The following CSMD1 variants were observed in gnomAD, a reference collection of about 807,000 sequenced individuals.
CSMD1 encodes the protein CUB and sushi domain-containing protein 1.
Under a neutral mutation model 417.5 loss-of-function variants are expected in CSMD1, and 213 were observed. The ratio of observed to expected loss-of-function variants is 0.51; its 90% CI spans 0.46 to 0.57. CSMD1 has a LOEUF of 0.57. CSMD1 is among the 20% of genes least tolerant of loss of function. The pLI is 0.00. For missense variants in CSMD1, 6,923 were observed against 4,529.7 expected (o/e 1.53, Z -15.17); for synonymous variants, 2,862 against 1,736.8 (o/e 1.65, Z -16.11).
At chr8:3,084,711 T>A (rs1814397850) in intron 49 of CSMD1, among the ~76,000 whole-genome samples, 1 of 151,972 alleles carries the variant, frequency 6.6e-6, no homozygotes. Context: ...GGGCATAAAT[T>A]GCCAATATAT....
At chr8:4,232,588 T>C (rs1309931468) in intron 3 of CSMD1, among the ~76,000 whole-genome samples, 1 of 152,214 alleles carries the variant, frequency 6.6e-6, no homozygotes, top group East Asian at 1.9e-4. Flanking sequence ...ATGACTCTTG[T>C]GATCCTAACC....
intron 3 of CSMD1, among the ~76,000 whole-genome samples, chr8:4,280,876 A>G (rs552360257): frequency 6.6e-5 from 10 of 152,340 alleles, no homozygotes; most frequent in African/African-American, 2.4e-4. Context: ...ACAGCATTAG[A>G]AATACTTTTT....
intron 5 of CSMD1, among the ~76,000 whole-genome samples, chr8:3,972,941 T>C (rs1213421373): frequency 6.6e-6 from 1 of 152,118 alleles, no homozygotes; most frequent in Non-Finnish European, 1.5e-5. Context: ...ATGAAGGAAA[T>C]AAAATGAAAT....
intron 26 of CSMD1, among the ~76,000 whole-genome samples, chr8:3,246,618 T>C (rs893954739): frequency 6.6e-6 from 1 of 152,100 alleles, no homozygotes; most frequent in East Asian, 1.9e-4. Context: ...ATTACAGGCA[T>C]GTGCTGCCCT....
chr8:2,954,176 C>A (rs371767498), intron 65 of CSMD1, 48 bp downstream of exon 65: 1 of 1,132,024 alleles, frequency 8.8e-7, no homozygotes, highest in Non-Finnish European at 1.3e-6. Context: ...GAGTAGAGAA[C>A]AAATCACTTT....
intron 2 of CSMD1, among the ~76,000 whole-genome samples, chr8:4,631,749 C>T (rs1251652054): frequency 6.6e-6 from 1 of 152,156 alleles, no homozygotes; most frequent in South Asian, 2.1e-4. Context: ...TTTAATGGCC[C>T]TATCACATTC....
intron 1 of CSMD1, among the ~76,000 whole-genome samples, chr8:4,855,015 T>A (rs937677040): frequency 2.0e-5 from 3 of 152,142 alleles, no homozygotes; most frequent in Non-Finnish European, 4.4e-5. Context: ...AATGTCCCTG[T>A]CTGACAGGTT....
At chr8:4,625,665 C>G (rs1802056855) in intron 2 of CSMD1, among the ~76,000 whole-genome samples, 1 of 152,052 alleles carries the variant, frequency 6.6e-6, no homozygotes, top group Non-Finnish European at 1.5e-5. Flanking sequence ...GTGAAAACCC[C>G]TAAACCTAAG....
intron 2 of CSMD1, among the ~76,000 whole-genome samples, chr8:4,632,342 G>A (rs201744163): frequency 8.6e-5 from 13 of 152,024 alleles, no homozygotes; most frequent in African/African-American, 2.2e-4. Flanking sequence ...GTGAAACCCC[G>A]TCTCTACTAA....
intron 23 of CSMD1, among the ~76,000 whole-genome samples, chr8:3,320,750 G>C (rs888212867): frequency 2.0e-5 from 3 of 152,152 alleles, no homozygotes; most frequent in Admixed American, 6.5e-5. Context: ...ACTGTGGCTT[G>C]CAGGTGCCAG....
chr8:4,296,191 T>C (rs1797671605), intron 3 of CSMD1, among the ~76,000 whole-genome samples: 1 of 152,098 alleles, frequency 6.6e-6, no homozygotes. Context: ...GGCACCTTAG[T>C]CCTCAACTCA....
intron 3 of CSMD1, among the ~76,000 whole-genome samples, chr8:4,300,292 G>T (rs1365056118): frequency 6.6e-6 from 1 of 152,328 alleles, no homozygotes; most frequent in East Asian, 1.9e-4. Context: ...CTTGGGCACA[G>T]ATGGGGAAAT....
chr8:4,213,840 C>G (rs759195066), intron 3 of CSMD1, among the ~76,000 whole-genome samples: 15 of 152,152 alleles, frequency 9.9e-5, no homozygotes, highest in Non-Finnish European at 1.9e-4. Context: ...AGTTATTGAA[C>G]CCCAGTGTTT....
chr8:3,868,117 C>G (rs1030082163), intron 5 of CSMD1, among the ~76,000 whole-genome samples: 7 of 152,050 alleles, frequency 4.6e-5, no homozygotes, highest in African/African-American at 1.2e-4. Flanking sequence ...TTTAAATTAT[C>G]CTAGCACTTT....
chr8:4,816,395 C>T (rs1799210955), intron 1 of CSMD1, among the ~76,000 whole-genome samples: 1 of 151,670 alleles, frequency 6.6e-6, no homozygotes, highest in Non-Finnish European at 1.5e-5. Flanking sequence ...GGGCTGGGGG[C>T]ACTGTGGGGT....
intron 3 of CSMD1, among the ~76,000 whole-genome samples, chr8:4,326,243 T>C (rs931225809): frequency 7.9e-5 from 12 of 152,146 alleles, no homozygotes; most frequent in African/African-American, 2.4e-4. Flanking sequence ...TGGTCTAAGA[T>C]GACCAAAGAC....
intron 10 of CSMD1, among the ~76,000 whole-genome samples, chr8:3,565,650 C>A (rs184204861): frequency 6.6e-6 from 1 of 152,170 alleles, no homozygotes; most frequent in East Asian, 1.9e-4. Flanking sequence ...GAAGTTAAAG[C>A]TCCTTCCCTA....
At chr8:4,475,756 G>A (rs957694985) in intron 2 of CSMD1, among the ~76,000 whole-genome samples, 2 of 152,016 alleles carry the variant, frequency 1.3e-5, no homozygotes, top group Non-Finnish European at 2.9e-5. Context: ...GGGATTACAG[G>A]CGTGCACCAC....
chr8:3,058,312 C>T (rs953905617), intron 49 of CSMD1, among the ~76,000 whole-genome samples: 2 of 152,126 alleles, frequency 1.3e-5, no homozygotes, highest in African/African-American at 4.8e-5. Flanking sequence ...AATATCAATG[C>T]TGCTTCAACA....
Sources: allele counts gnomAD v4.1 joint callset (sites outside exome capture counted in the v4.1 genomes callset), GRCh38; gene constraint gnomAD v4.1.1; transcripts MANE v1.5; gene names NCBI Gene and HGNC (gene_info 2026-07-23, HGNC 2026-07-21).